Variants in LRP1B observed in about 807,000 individuals in gnomAD.
LRP1B encodes LDL receptor related protein 1B.
Under a neutral mutation model 556.6 loss-of-function variants are expected in LRP1B, and 217 were observed. The observed-to-expected ratio is 0.39, with a 90% CI of 0.35 to 0.44. LRP1B has a LOEUF of 0.44. Among genes scored for constraint, LRP1B ranks in the 20% least tolerant of loss-of-function variants. The probability of loss-of-function intolerance (pLI) is 1.00; values close to 1 mark genes in which losing one functional copy is unlikely to be tolerated. For missense variants in LRP1B, 5,053 were observed against 5,620.8 expected, an observed-to-expected ratio of 0.90 and a Z score of 3.23; for synonymous variants, 2,047 against 1,865.8, an observed-to-expected ratio of 1.10 and a Z score of -2.50.
At chr2:140,956,928 T>A (rs1200161428) in intron 18 of LRP1B, among the ~76,000 whole-genome samples, 1 of 151,704 alleles carries the variant, frequency 6.6e-6, no homozygotes, top group Non-Finnish European at 1.5e-5. Context: ...ACTGAGAATT[T>A]TATATCAGAT....
At chr2:141,087,452 C>G (rs1415423580) in intron 7 of LRP1B, among the ~76,000 whole-genome samples, 1 of 152,158 alleles carries the variant, frequency 6.6e-6, no homozygotes, top group Non-Finnish European at 1.5e-5. Context: ...AATTTACAAG[C>G]ATTTTTACGC....
intron 1 of LRP1B, among the ~76,000 whole-genome samples, chr2:142,129,588 C>CTCTT (rs1303799845): frequency 4.7e-3 from 11 of 2,336 alleles, no homozygotes; most frequent in African/African-American, 0.01. Context: ...CTCTCTTTCT[C>CTCTT]TCTCTCTCTC....
intron 31 of LRP1B, among the ~76,000 whole-genome samples, chr2:140,837,688 G>C (rs1172373066): frequency 6.6e-6 from 1 of 151,450 alleles, no homozygotes; most frequent in Non-Finnish European, 1.5e-5. Context: ...CTATCACCAA[G>C]GACAAAAAAC....
chr2:140,682,439 C>T (rs1485588978), intron 41 of LRP1B, among the ~76,000 whole-genome samples: 1 of 152,084 alleles, frequency 6.6e-6, no homozygotes, highest in Non-Finnish European at 1.5e-5. Flanking sequence ...ACTCTGTGGC[C>T]AGGGTCAGAC....
At chr2:141,955,114 C>G (rs1444437273) in intron 1 of LRP1B, among the ~76,000 whole-genome samples, 2 of 152,148 alleles carry the variant, frequency 1.3e-5, no homozygotes, top group African/African-American at 2.4e-5. Flanking sequence ...TTTATTCACT[C>G]AGGTTGCCAT....
intron 19 of LRP1B, among the ~76,000 whole-genome samples, chr2:140,951,139 A>G (rs891728469): frequency 2.6e-5 from 4 of 152,142 alleles, no homozygotes; most frequent in African/African-American, 9.7e-5. Context: ...TATAGTTCTC[A>G]TGTCCCATAG....
At chr2:140,400,278 C>T (rs555898693) in intron 66 of LRP1B, among the ~76,000 whole-genome samples, 3 of 152,154 alleles carry the variant, frequency 2.0e-5, no homozygotes, top group South Asian at 4.1e-4. Flanking sequence ...CCAGAGCAGC[C>T]CTAAACCAAC....
chr2:140,708,903 G>A (rs375011974), intron 37 of LRP1B, among the ~76,000 whole-genome samples: 1 of 151,866 alleles, frequency 6.6e-6, no homozygotes, highest in African/African-American at 2.4e-5. Flanking sequence ...TATTCCTATG[G>A]TAAATCAAAT....
intron 2 of LRP1B, among the ~76,000 whole-genome samples, chr2:141,731,756 T>G (rs923129939): frequency 6.3e-4 from 96 of 152,264 alleles, no homozygotes; most frequent in African/African-American, 2.2e-3. Flanking sequence ...TATCTTGCTT[T>G]CCTTATCTAT....
chr2:142,101,907 A>G (rs1706579615), intron 1 of LRP1B, among the ~76,000 whole-genome samples: 1 of 152,036 alleles, frequency 6.6e-6, no homozygotes. Context: ...CATTACTTGA[A>G]CAAGCTTTTA....
intron 3 of LRP1B, among the ~76,000 whole-genome samples, chr2:141,470,197 A>C (rs1348810000): frequency 3.3e-5 from 5 of 152,214 alleles, no homozygotes; most frequent in Non-Finnish European, 1.5e-5. Context: ...CCATCATGAA[A>C]GTTGAAATTT....
rs72983155 is a variant in LRP1B, at chr2:141,390,960, T to G, written c.343+89436A>C. Among the ~76,000 whole-genome samples, 967 of 152,254 alleles carry G rather than the reference T, an allele frequency of 6.4e-3. 13 individuals carry two copies. Among genetic ancestry groups the G allele is most frequent in the African/African-American group, 0.022 (900 of 41,542 alleles). ...AATATGACATCACATCTGAGCAGAATAGAGCAAATCATATCCTTCACACTT... is the reference window on the plus strand; with the variant it reads ...AATATGACATCACATCTGAGCAGAAGAGAGCAAATCATATCCTTCACACTT... On this transcript the variant is annotated intron_variant, in intron 3 of 90. Coordinates refer to ENST00000389484, the MANE Select transcript of LRP1B (RefSeq NM_018557.3).
chr2:140,929,756 T>TCACACACACACACACA (rs3063648), intron 20 of LRP1B, among the ~76,000 whole-genome samples: 51 of 139,320 alleles, frequency 3.7e-4, no homozygotes, highest in East Asian at 3.3e-3. Flanking sequence ...TCATATAGAC[T>TCACACACACACACACA]CACACACACA....
chr2:141,285,876 C>A, intron 3 of LRP1B, among the ~76,000 whole-genome samples: 1 of 149,470 alleles, frequency 6.7e-6, no homozygotes, highest in Admixed American at 6.6e-5. Flanking sequence ...ACCATCCCGG[C>A]TACAACGGTG....
At chr2:141,663,192 T>C (rs974747540) in intron 2 of LRP1B, among the ~76,000 whole-genome samples, 3 of 152,074 alleles carry the variant, frequency 2.0e-5, no homozygotes, top group Admixed American at 2.0e-4. Context: ...AAAGCAGTGT[T>C]AAGAGGGAAA....
intron 3 of LRP1B, among the ~76,000 whole-genome samples, chr2:141,357,497 G>C (rs561866983): frequency 6.3e-4 from 96 of 152,258 alleles, no homozygotes; most frequent in African/African-American, 2.2e-3. Context: ...GAAGTTAAGA[G>C]CTGAGCCACT....
chr2:140,378,854 T>G (rs151168377), intron 67 of LRP1B, among the ~76,000 whole-genome samples: 129 of 152,360 alleles, frequency 8.5e-4, no homozygotes, highest in African/African-American at 2.7e-3. Flanking sequence ...AGATTCATCT[T>G]TAAAAACTGC....
Position 141,633,650 on chromosome 2 carries a change from C to T in LRP1B, c.206-153117G>A, listed in dbSNP as rs1035385524. Among the ~76,000 whole-genome samples, 174 of 152,082 alleles carry T rather than the reference C, an allele frequency of 1.1e-3. 1 individual carries two copies. Among genetic ancestry groups the T allele is most frequent in the Non-Finnish European group, 2.2e-4 (15 of 67,906 alleles). On this transcript the variant is annotated intron_variant, in intron 2 of 90. Transcript: ENST00000389484. ...TACCATTGTAACCATTTTAAGTATA[C>T]TATTCAGTAGCATTAAGTACATTCG...
chr2:141,496,492 G>C (rs752157649), intron 2 of LRP1B, among the ~76,000 whole-genome samples: 2 of 151,964 alleles, frequency 1.3e-5, no homozygotes, highest in Non-Finnish European at 2.9e-5. Flanking sequence ...CCCATTTTCT[G>C]GAAATACGTT....
Sources: allele counts gnomAD v4.1 joint callset (sites outside exome capture counted in the v4.1 genomes callset), GRCh38; gene constraint gnomAD v4.1.1; transcripts MANE v1.5; gene names NCBI Gene and HGNC (gene_info 2026-07-23, HGNC 2026-07-21).